Variants in AQP1 observed in about 807,000 individuals in gnomAD.
The protein encoded by AQP1 is aquaporin-1.
A neutral mutation model predicts 19.7 loss-of-function variants in AQP1; 11 were observed. The ratio of observed to expected loss-of-function variants is 0.56; its 90% confidence interval spans 0.35 to 0.92. The LOEUF is 0.92. AQP1 is among the 40% of genes least tolerant of loss of function. The pLI, the probability that AQP1 is intolerant of heterozygous loss-of-function variation, is 0.01. For missense variants in AQP1, 320 were observed against 369.7 expected, an observed-to-expected ratio of 0.87 and a Z score of 1.10; for synonymous variants, 159 against 166.7, an observed-to-expected ratio of 0.95 and a Z score of 0.36.
At chr7:30,913,958 T>C (rs1791241510) in intron 1 of AQP1, among the ~76,000 whole-genome samples, 1 of 152,040 alleles carries the variant, frequency 6.6e-6, no homozygotes, top group Non-Finnish European at 1.5e-5. Context: ...TGGGGGAGCG[T>C]CCCTGTAGGG....
intron 1 of AQP1, chr7:30,921,638 T>TCCCCTG (rs1791502390): frequency 6.4e-7 from 1 of 1,550,754 alleles, no homozygotes; most frequent in African/African-American, 1.4e-5. Context: ...TGAAGCCGTG[T>TCCCCTG]CCCCTGCTGG....
At position 30,912,797 on chromosome 7, in the gene AQP1, C is replaced by G. The variant is rs1198751174; in HGVS notation, c.384+504C>G. On this transcript the variant is annotated intron_variant, in intron 1 of 3. Coordinates refer to ENST00000311813, the MANE Select transcript of AQP1 (RefSeq NM_198098.4). This position sits in a 1 kb window ranked among gnomAD's most constrained non-coding sequence, Gnocchi z 4.3. ...TATTCACACTAGTTTCCAAATAAAC[C>G]ACCTCTAGGAATCAAGAGAAAGGCC... Among the ~76,000 whole-genome samples, 1 of 152,184 alleles carries G rather than the reference C, an allele frequency of 6.6e-6. No homozygotes were observed. Among genetic ancestry groups the G allele is most frequent in the African/African-American group, 2.4e-5 (1 of 41,452 alleles).
intron 1 of AQP1, 168 bp from the exon 2 acceptor site, chr7:30,921,898 C>A: frequency 6.6e-7 from 1 of 1,526,502 alleles, no homozygotes; most frequent in South Asian, 1.2e-5. Flanking sequence ...GCCTGATTTC[C>A]ACTACCTGCC....
chr7:30,924,155 G>C lies in AQP1; in HGVS notation c.*526G>C. On this transcript the variant is annotated 3_prime_UTR_variant, in exon 4 of 4. Transcript: ENST00000311813. ...CAGTTCTGCTTGCTCCCAAGCCCCT[G>C]ACCCGCTCGGACTTACTGCCTGACC... is the stretch of plus-strand genomic sequence containing the variant. 6.9e-6 allele frequency: 8 copies of C among 1,165,954 alleles called. No individual in the cohort carries two copies. The highest frequency in any genetic ancestry group is 8.6e-6 in the Non-Finnish European group (8 of 928,012). 72.2% of individuals were successfully genotyped at this position (1,165,954 alleles called of 1,614,324 possible).
intron 1 of AQP1, among the ~76,000 whole-genome samples, chr7:30,915,683 T>C (rs1791328144): frequency 6.6e-6 from 1 of 152,160 alleles, no homozygotes; most frequent in South Asian, 2.1e-4. Context: ...CGGGGTCTTC[T>C]CCCAGCCCTG....
intron 1 of AQP1, among the ~76,000 whole-genome samples, chr7:30,916,497 G>C (rs549503477): frequency 7.9e-5 from 12 of 152,374 alleles, no homozygotes; most frequent in African/African-American, 2.6e-4. Flanking sequence ...GCGAGGCCCT[G>C]CAAGTGGCCA....
In AQP1 at chr7:30,924,200, A is replaced by G; in HGVS notation, c.*571A>G. On this transcript the variant is annotated 3_prime_UTR_variant, in exon 4 of 4. Transcript: ENST00000311813. ...CTGACCTTGGAATCGTCCCTATATCAGGGCCTGAGTGACCTCCTTCTGCAA... is the reference window on the plus strand; with the variant it reads ...CTGACCTTGGAATCGTCCCTATATCGGGGCCTGAGTGACCTCCTTCTGCAA... 1 of 1,020,274 alleles carries G rather than the reference A, an allele frequency of 9.8e-7. No homozygotes were observed. Among genetic ancestry groups the G allele is most frequent in the Admixed American group, 4.0e-5 (1 of 25,066 alleles). 63.2% of individuals were successfully genotyped at this position (1,020,274 alleles called of 1,614,324 possible). A position where few individuals can be genotyped will look rare whatever the true frequency, so the allele number is the denominator to read the frequency against.
intron 1 of AQP1, among the ~76,000 whole-genome samples, chr7:30,914,337 A>G (rs1791256407): frequency 6.6e-6 from 1 of 152,118 alleles, no homozygotes; most frequent in Non-Finnish European, 1.5e-5. Context: ...GACCCTCGAG[A>G]GGGAACTCAG....
rs78003203 is a variant in AQP1 at position 30,923,911 on chromosome 7, C to T, written c.*282C>T. On this transcript the variant is annotated 3_prime_UTR_variant, in exon 4 of 4. Coordinates refer to ENST00000311813, the MANE Select transcript of AQP1 (RefSeq NM_198098.4). The surrounding 1 kb of genome is among the most constrained non-coding windows in gnomAD (Gnocchi z 4.8). ...GAAAGAAAGGGACCCACCTGCTAGT[C>T]GCCCCTCAGAGCATGATGGGAGGTG... The T allele has an allele frequency of 1.7e-4, 241 of 1,456,846 alleles. No individual in the cohort carries two copies. In the East Asian group the frequency reaches 3.7e-3, roughly 22 times the overall value. 90.2% of individuals were successfully genotyped at this position (1,456,846 alleles called of 1,614,324 possible).
chr7:30,914,375 A>C (rs535935499), intron 1 of AQP1, among the ~76,000 whole-genome samples: 7 of 152,334 alleles, frequency 4.6e-5, no homozygotes, highest in African/African-American at 1.2e-4. Flanking sequence ...CCACACCCAG[A>C]CAGCCAGCTC....
At position 30,911,939 on chromosome 7, in the gene AQP1, C is replaced by T. The variant is rs1004522432; in HGVS notation, c.30C>T (p.Phe10=). 6 of 1,613,292 alleles carry T rather than the reference C, an allele frequency of 3.7e-6. No homozygotes were observed. In the Admixed American group the frequency reaches 5.0e-5, roughly 13 times the overall value. Residue 10 remains phenylalanine (F), a synonymous_variant, in exon 1 of 4, where the codon TTC becomes TTT. Coordinates refer to ENST00000311813, the MANE Select transcript of AQP1 (RefSeq NM_198098.4). ...CCAGCGAGTTCAAGAAGAAGCTCTT[C>T]TGGAGGGCAGTGGTGGCCGAGTTCC... The part of the protein sequence containing the change: MASEFKKKL[F]WRAVVAEFLA...
chr7:30,916,350 C>A (rs573583467), intron 1 of AQP1, among the ~76,000 whole-genome samples: 5 of 152,242 alleles, frequency 3.3e-5, no homozygotes, highest in Non-Finnish European at 7.3e-5. Context: ...CCAGATGGTA[C>A]CCCCACTTAG....
chr7:30,921,259 C>T (rs1791490942), intron 1 of AQP1: 1 of 1,203,520 alleles, frequency 8.3e-7, no homozygotes, highest in Non-Finnish European at 1.0e-6. Flanking sequence ...CATGACCTCA[C>T]AGCAGCTTCC....
rs1312166705 is a variant in AQP1 at position 30,912,581 on chromosome 7, A to G, written c.384+288A>G. Reference sequence around the variant, plus strand: ...ATTATGGGGAATAAGCTTGGCCAGCAGTTCCTCGCCCCTTGGCTGTAGCTT... The same window carrying G: ...ATTATGGGGAATAAGCTTGGCCAGCGGTTCCTCGCCCCTTGGCTGTAGCTT... On this transcript the variant is annotated intron_variant, in intron 1 of 3. Transcript: ENST00000311813. The surrounding 1 kb of genome is among the most constrained non-coding windows in gnomAD (Gnocchi z 4.3). Among the ~76,000 whole-genome samples the G allele has an allele frequency of 6.6e-6, 1 of 152,222 alleles. No individual in the cohort carries two copies. The highest frequency in any genetic ancestry group is 2.4e-5 in the African/African-American group (1 of 41,458).
intron 1 of AQP1, chr7:30,913,202 A>G (rs572267317): frequency 1.3e-5 from 2 of 152,236 alleles, no homozygotes; most frequent in Non-Finnish European, 2.9e-5. Flanking sequence ...AGCTGTGGAA[A>G]AGAATGTCTC....
chr7:30,922,359 C>G (rs756238595), intron 2 of AQP1, 129 bp downstream of exon 2: 2 of 1,421,242 alleles, frequency 1.4e-6, no homozygotes, highest in Non-Finnish European at 1.9e-6. Context: ...GGCGGGTCAG[C>G]GCTGGGGGCT....
At chr7:30,917,496 G>C (rs189557587) in intron 1 of AQP1, among the ~76,000 whole-genome samples, 2 of 152,204 alleles carry the variant, frequency 1.3e-5, no homozygotes, top group Non-Finnish European at 2.9e-5. Flanking sequence ...CACATGGGGG[G>C]CTCATTTTTT....
At position 30,912,715 on chromosome 7, in the gene AQP1, C is replaced by T. The variant is rs1462073730; in HGVS notation, c.384+422C>T. On this transcript the variant is annotated intron_variant, in intron 1 of 3. Transcript: ENST00000311813. This position sits in a 1 kb window ranked among gnomAD's most constrained non-coding sequence, Gnocchi z 4.3. The stretch of plus-strand genomic sequence containing the variant: ...CAGCCACCCTGAACCAAATGCCCAG[C>T]CTGTCTGCAGCTGGCTCTGCAAGTG... Among the ~76,000 whole-genome samples, 1 of 152,208 alleles carries T rather than the reference C, an allele frequency of 6.6e-6. No homozygotes were observed. Among genetic ancestry groups the T allele is most frequent in the Non-Finnish European group, 1.5e-5 (1 of 68,034 alleles).
intron 1 of AQP1, among the ~76,000 whole-genome samples, chr7:30,919,473 A>G (rs1791441526): frequency 6.6e-6 from 1 of 152,026 alleles, no homozygotes; most frequent in Non-Finnish European, 1.5e-5. Flanking sequence ...TTTCGGTAAT[A>G]CTTGCATTCA....
Sources: allele counts gnomAD v4.1 joint callset (sites outside exome capture counted in the v4.1 genomes callset), GRCh38; gene constraint gnomAD v4.1.1; non-coding constraint Gnocchi (gnomAD v3.1); transcripts MANE v1.5; gene names NCBI Gene and HGNC (gene_info 2026-07-23, HGNC 2026-07-21).